TAOK1: variants seen among roughly 807,000 people sequenced by gnomAD.
TAOK1 encodes serine/threonine-protein kinase TAO1.
Under a neutral mutation model 138.3 loss-of-function variants are expected in TAOK1, and 21 were observed. The ratio of observed to expected loss-of-function variants is 0.15; its 90% CI spans 0.11 to 0.22. The LOEUF is 0.22. Ranked by LOEUF, TAOK1 falls within the 10% of genes least tolerant of loss-of-function variation. The pLI is 1.00. For synonymous variants in TAOK1, 361 were observed against 398.4 expected (o/e 0.91, Z 1.12); for missense variants, 651 against 1,227.7 (o/e 0.53, Z 7.02).
At chr17:29,481,977 C>A (rs890415389) in intron 7 of TAOK1, among the ~76,000 whole-genome samples, 1 of 151,820 alleles carries the variant, frequency 6.6e-6, no homozygotes, top group African/African-American at 2.4e-5. Flanking sequence ...TAAATAAATA[C>A]AATAAATAAA....
At chr17:29,415,044 A>G (rs911574037) in intron 1 of TAOK1, among the ~76,000 whole-genome samples, 2 of 151,646 alleles carry the variant, frequency 1.3e-5, no homozygotes, top group Non-Finnish European at 2.9e-5. Context: ...ACCTAGGCTC[A>G]CTGCAACCTC....
At chr17:29,434,414 A>G (rs2153022903) in intron 1 of TAOK1, among the ~76,000 whole-genome samples, 1 of 152,224 alleles carries the variant, frequency 6.6e-6, no homozygotes, top group African/African-American at 2.4e-5. Context: ...ATGGCTACCA[A>G]TCTAGAAAGA....
intron 1 of TAOK1, among the ~76,000 whole-genome samples, chr17:29,440,587 T>C (rs1325614202): frequency 6.6e-6 from 1 of 152,146 alleles, no homozygotes; most frequent in Non-Finnish European, 1.5e-5. Context: ...TTTTTTTTTT[T>C]TCTTTTTGAG....
At chr17:29,533,944 T>G (rs2032178042) in intron 18 of TAOK1, among the ~76,000 whole-genome samples, 174 bp from the exon 19 acceptor site, 1 of 152,032 alleles carries the variant, frequency 6.6e-6, no homozygotes, top group Non-Finnish European at 1.5e-5. Flanking sequence ...CCGATATTGG[T>G]TATTCTGCAT....
Position 29,548,940 on chromosome 17 carries a change from A to G in TAOK1, c.*5918A>G, listed in dbSNP as rs2032446647. On this transcript the variant is annotated 3_prime_UTR_variant, in exon 20 of 20. Transcript: ENST00000261716. The stretch of plus-strand genomic sequence containing the variant: ...GTTTGAGATCTTTTGCAGTGAAATA[A>G]TTTTATTTAATATAAATGATCACAT... 6.6e-6 allele frequency: 1 copy of G among 152,132 alleles called. No homozygotes were observed. The highest frequency in any genetic ancestry group is 1.5e-5 in the Non-Finnish European group (1 of 68,012). The allele number at this position is 152,132 out of a possible 1,614,324, so 9.4% of individuals were successfully genotyped here.
chr17:29,489,398 C>T (rs922125621), intron 8 of TAOK1, among the ~76,000 whole-genome samples: 3 of 151,748 alleles, frequency 2.0e-5, no homozygotes, highest in African/African-American at 4.8e-5. Flanking sequence ...CTCGGGAGGC[C>T]GAGGTGGGAG....
At position 29,517,660 on chromosome 17, in the gene TAOK1, A is replaced by T; in HGVS notation, c.1908+4A>T. On this transcript the variant is annotated splice_donor_region_variant and intron_variant, in intron 16 of 19. Transcript: ENST00000261716. The stretch of plus-strand genomic sequence containing the variant: ...AGAGCAGGACCTTGTCAGGGAGGTA[A>T]GTTTGAGTGATGAGAAATTTTAAAT... 1.9e-6 allele frequency: 3 copies of T among 1,587,570 alleles called. No homozygotes were observed. The highest frequency in any genetic ancestry group is 2.6e-6 in the Non-Finnish European group (3 of 1,171,038).
intron 1 of TAOK1, among the ~76,000 whole-genome samples, chr17:29,393,145 T>TA (rs1223027766): frequency 2.0e-5 from 3 of 152,214 alleles, no homozygotes; most frequent in Non-Finnish European, 4.4e-5. Context: ...TATGGCAAAT[T>TA]ATGCCAGGAA....
At chr17:29,482,541 T>C (rs1464955713) in intron 8 of TAOK1, among the ~76,000 whole-genome samples, 1 of 152,168 alleles carries the variant, frequency 6.6e-6, no homozygotes, top group East Asian at 1.9e-4. Context: ...TTGAGGAATC[T>C]ATGTCTAACA....
intron 2 of TAOK1, among the ~76,000 whole-genome samples, chr17:29,465,799 G>A (rs1268871227): frequency 2.1e-5 from 2 of 93,848 alleles, no homozygotes; most frequent in East Asian, 3.9e-4. Context: ...TGGGAGTTTC[G>A]CTCTTGTTTT....
chr17:29,482,715 A>G (rs1351156626), intron 8 of TAOK1, among the ~76,000 whole-genome samples: 1 of 151,724 alleles, frequency 6.6e-6, no homozygotes, highest in Non-Finnish European at 1.5e-5. Flanking sequence ...ACCATTTTGT[A>G]ACAGTTTGAT....
chr17:29,499,229 CT>C (rs57906502), intron 12 of TAOK1, among the ~76,000 whole-genome samples: 45,893 of 123,012 alleles, frequency 0.37, 6,543 homozygotes, highest in East Asian at 0.62. Context: ...ATGTTTATAT[CT>C]TTTTTTTTTT....
intron 1 of TAOK1, among the ~76,000 whole-genome samples, chr17:29,426,298 TTG>T (rs1905638410): frequency 6.6e-6 from 1 of 152,190 alleles, no homozygotes; most frequent in Non-Finnish European, 1.5e-5. Flanking sequence ...AGAGAGCGTA[TTG>T]TTCCAGGGTA....
At chr17:29,444,756 G>A (rs1205811636) in intron 1 of TAOK1, among the ~76,000 whole-genome samples, 1 of 152,184 alleles carries the variant, frequency 6.6e-6, no homozygotes, top group Non-Finnish European at 1.5e-5. Flanking sequence ...GGATCAGTTA[G>A]AAGAGAATTA....
At chr17:29,439,264 G>T (rs1186895320) in intron 1 of TAOK1, among the ~76,000 whole-genome samples, 1 of 143,876 alleles carries the variant, frequency 7.0e-6, no homozygotes, top group African/African-American at 2.9e-5. Context: ...GTGCAGTGGG[G>T]TGATCTGGGC....
intron 1 of TAOK1, among the ~76,000 whole-genome samples, chr17:29,424,436 C>CAAAAAAAAAA (rs781589064): frequency 9.7e-5 from 7 of 71,996 alleles, no homozygotes; most frequent in Non-Finnish European, 1.6e-4. Flanking sequence ...GACTCCCTCT[C>CAAAAAAAAAA]AAAAAAAAAA....
intron 3 of TAOK1, 57 bp downstream of exon 3, chr17:29,467,273 A>T: frequency 8.8e-7 from 1 of 1,140,918 alleles, no homozygotes; most frequent in Non-Finnish European, 1.3e-6. Flanking sequence ...GAATAAATAT[A>T]TACATTCTTT....
rs762836170 is a variant in TAOK1 at position 29,489,695 on chromosome 17, T to C, written c.687T>C (p.Asn229=). The change falls in exon 9 of 20, where the codon AAT becomes AAC. Residue 229 remains asparagine, a synonymous_variant. Transcript: ENST00000261716. ...AERKPPLFNM[N]AMSALYHIAQ... is the part of the protein sequence containing the mutation. ...GGAAGCCTCCTTTATTTAATATGAA[T>C]GCAATGAGTGCCTTATATCACATAG... The C allele has an allele frequency of 6.2e-7, 1 of 1,610,168 alleles. No homozygotes were observed. Among genetic ancestry groups the C allele is most frequent in the South Asian group, 1.1e-5 (1 of 90,252 alleles).
chr17:29,419,086 A>C (rs1905349012), intron 1 of TAOK1, among the ~76,000 whole-genome samples: 1 of 151,912 alleles, frequency 6.6e-6, no homozygotes, highest in African/African-American at 2.4e-5. Context: ...AATTTAGTAC[A>C]TTTCTTCATT....
Sources: gnomAD v4.1 joint callset for allele counts (sites outside exome capture counted in the v4.1 genomes callset) on GRCh38, gnomAD v4.1.1 for gene constraint, MANE v1.5 for transcripts, NCBI Gene and HGNC (gene_info 2026-07-23, HGNC 2026-07-21) for gene names.